Variants in DAB1 observed in about 807,000 individuals in gnomAD.
DAB1 encodes disabled homolog 1.
DAB1 carries 15 observed loss-of-function variants against 64.6 expected under a neutral mutation model. That is an observed-to-expected ratio of 0.23 (90% CI 0.16 to 0.36). The LOEUF is 0.36. DAB1 is among the 10% of genes least tolerant of loss of function. The pLI is 1.00. For missense variants in DAB1, 596 were observed against 706.7 expected (o/e 0.84, Z 1.78); for synonymous variants, 235 against 251.9 (o/e 0.93, Z 0.64).
rs1283694045 is a variant in DAB1 at position 57,127,870 on chromosome 1, G to A, written c.306+8673C>T. Among the ~76,000 whole-genome samples the A allele has an allele frequency of 2.6e-5, 4 of 152,090 alleles. No homozygotes were observed. In the East Asian group the frequency reaches 7.7e-4, roughly 29 times the overall value. ...GCAATAAATAATACAACTCCTGTCC[G>A]GGCGTGGTAGTTCACACCTGTAATC... On this transcript the variant is annotated intron_variant, in intron 4 of 14. Transcript: ENST00000371236.
At chr1:58,227,774 G>GT (rs1659567756) in intron 4 of DAB1, among the ~76,000 whole-genome samples, 1 of 152,170 alleles carries the variant, frequency 6.6e-6, no homozygotes. Context: ...TCCACTCACT[G>GT]TTTCTCCCCC....
At chr1:57,329,310 T>A (rs908777586) in intron 1 of DAB1, among the ~76,000 whole-genome samples, 3 of 152,170 alleles carry the variant, frequency 2.0e-5, no homozygotes, top group African/African-American at 7.2e-5. Flanking sequence ...GAGAAGCCCT[T>A]GAGAACTCCG....
At chr1:58,409,675 C>T (rs545457108) in intron 3 of DAB1, among the ~76,000 whole-genome samples, 8 of 152,284 alleles carry the variant, frequency 5.3e-5, no homozygotes, top group African/African-American at 1.9e-4. Flanking sequence ...CCATCCTTCT[C>T]CTCTCTAGAC....
chr1:58,004,013 G>A (rs187846245), intron 5 of DAB1, among the ~76,000 whole-genome samples: 11 of 152,248 alleles, frequency 7.2e-5, no homozygotes, highest in East Asian at 1.9e-4. Context: ...TAGGCCATCC[G>A]GAACTCTGCT....
intron 6 of DAB1, among the ~76,000 whole-genome samples, chr1:57,789,545 T>C (rs888593398): frequency 2.6e-5 from 4 of 152,148 alleles, no homozygotes; most frequent in African/African-American, 9.7e-5. Context: ...CTTCCTCGTG[T>C]GTCCTCACAT....
At chr1:57,183,236 A>G (rs1209908106) in intron 2 of DAB1, among the ~76,000 whole-genome samples, 1 of 152,164 alleles carries the variant, frequency 6.6e-6, no homozygotes, top group Non-Finnish European at 1.5e-5. Flanking sequence ...ATGGGTCTGG[A>G]TTTTAGAAAA....
At chr1:58,050,459 G>C (rs1647568164) in intron 5 of DAB1, among the ~76,000 whole-genome samples, 1 of 152,078 alleles carries the variant, frequency 6.6e-6, no homozygotes. Flanking sequence ...ATGAAGAGAA[G>C]GAATTAATCA....
At chr1:58,364,170 C>G (rs1644194167) in intron 3 of DAB1, among the ~76,000 whole-genome samples, 1 of 152,186 alleles carries the variant, frequency 6.6e-6, no homozygotes, top group South Asian at 2.1e-4. Flanking sequence ...CATGCTGGAA[C>G]TGGGATGTGA....
At chr1:58,447,457 T>A (rs544070454) in intron 3 of DAB1, among the ~76,000 whole-genome samples, 1 of 152,202 alleles carries the variant, frequency 6.6e-6, no homozygotes, top group Non-Finnish European at 1.5e-5. Flanking sequence ...TATTCATGTA[T>A]TAATTTTTAT....
intron 9 of DAB1, among the ~76,000 whole-genome samples, chr1:57,042,915 A>G (rs1647978222): frequency 6.6e-6 from 1 of 152,094 alleles, no homozygotes; most frequent in African/African-American, 2.4e-5. Flanking sequence ...GGAACTCCAG[A>G]AAAAAGCTGT....
At chr1:57,424,171 C>G (rs1302440053), upstream of DAB1, 4 of 149,136 alleles carry the variant, frequency 2.7e-5, no homozygotes, top group African/African-American at 9.7e-5. Context: ...CGCGCCCGCC[C>G]GGCGCCCCGC....
chr1:57,912,267 A>G (rs372459502), intron 5 of DAB1, among the ~76,000 whole-genome samples: 17 of 152,230 alleles, frequency 1.1e-4, no homozygotes, highest in African/African-American at 3.6e-4. Flanking sequence ...GCAGCAATCT[A>G]ATTTCGTGGG....
intron 7 of DAB1, among the ~76,000 whole-genome samples, chr1:57,465,543 T>C (rs1175110291): frequency 1.3e-5 from 2 of 152,254 alleles, no homozygotes; most frequent in Non-Finnish European, 2.9e-5. Flanking sequence ...GTAGAATTTC[T>C]ATTACATATT....
At chr1:58,317,568 C>A (rs1048557668) in intron 4 of DAB1, among the ~76,000 whole-genome samples, 1 of 152,222 alleles carries the variant, frequency 6.6e-6, no homozygotes, top group East Asian at 1.9e-4. Context: ...TTGGTGCCCC[C>A]CTGGCTTGAC....
At chr1:57,457,872 A>C (rs948806074) in intron 7 of DAB1, among the ~76,000 whole-genome samples, 3 of 152,182 alleles carry the variant, frequency 2.0e-5, no homozygotes, top group African/African-American at 7.2e-5. Flanking sequence ...AATGAGAAGA[A>C]TTAAAACAGA....
intron 5 of DAB1, among the ~76,000 whole-genome samples, chr1:58,061,933 G>A (rs1027899100): frequency 6.6e-6 from 1 of 152,138 alleles, no homozygotes; most frequent in African/African-American, 2.4e-5. Flanking sequence ...CAAATTAACT[G>A]AGCTTAGTAT....
chr1:57,021,020 C>T (rs961942354), intron 11 of DAB1, among the ~76,000 whole-genome samples: 2 of 152,136 alleles, frequency 1.3e-5, no homozygotes, highest in Non-Finnish European at 2.9e-5. Flanking sequence ...ACAAGGAGAT[C>T]GGGATTCAAT....
chr1:57,948,131 A>T (rs1396664061), intron 5 of DAB1, among the ~76,000 whole-genome samples: 3 of 152,208 alleles, frequency 2.0e-5, no homozygotes, highest in Admixed American at 1.3e-4. Flanking sequence ...ATCTCTGGAA[A>T]CTACATAACT....
intron 5 of DAB1, among the ~76,000 whole-genome samples, chr1:58,000,425 T>A (rs925654725): frequency 1.3e-4 from 20 of 152,160 alleles, no homozygotes; most frequent in Admixed American, 1.2e-3. Context: ...TAGACATTGG[T>A]CATCTTTTCA....
Sources: allele counts gnomAD v4.1 joint callset (sites outside exome capture counted in the v4.1 genomes callset), GRCh38; gene constraint gnomAD v4.1.1; transcripts MANE v1.5; gene names NCBI Gene and HGNC (gene_info 2026-07-23, HGNC 2026-07-21).